The following CRTAC1 variants were observed in gnomAD, a reference collection of about 807,000 sequenced individuals.
The protein encoded by CRTAC1 is cartilage acidic protein 1.
A neutral mutation model predicts 67.8 loss-of-function variants in CRTAC1; 37 were observed. The observed-to-expected ratio is 0.55, with a 90% CI of 0.42 to 0.72. CRTAC1 has a LOEUF of 0.72. Among genes scored for constraint, CRTAC1 ranks in the 30% least tolerant of loss-of-function variants. The pLI is 0.00. For missense variants in CRTAC1, 780 were observed against 931.6 expected (o/e 0.84, Z 2.12); for synonymous variants, 348 against 371.0 (o/e 0.94, Z 0.71).
chr10:97,956,983 T>A (rs1305793752), intron 2 of CRTAC1, among the ~76,000 whole-genome samples: 1 of 146,814 alleles, frequency 6.8e-6, no homozygotes, highest in Non-Finnish European at 1.5e-5. Context: ...ATACTTGTAT[T>A]TTTTTTTTTT....
chr10:97,959,758 A>G (rs1036402305), intron 2 of CRTAC1, among the ~76,000 whole-genome samples: 1 of 152,196 alleles, frequency 6.6e-6, no homozygotes, highest in African/African-American at 2.4e-5. Flanking sequence ...AGCCCCTAAT[A>G]AAACCCCATG....
chr10:97,963,812 C>T (rs1272213312), intron 2 of CRTAC1, among the ~76,000 whole-genome samples: 2 of 152,148 alleles, frequency 1.3e-5, no homozygotes, highest in African/African-American at 4.8e-5. Context: ...AACATTTCAG[C>T]CCTGAGAGGT....
chr10:98,021,239 C>T (rs768747549), intron 1 of CRTAC1, among the ~76,000 whole-genome samples: 10 of 152,108 alleles, frequency 6.6e-5, no homozygotes, highest in Non-Finnish European at 1.5e-4. Context: ...TCCCTACCCC[C>T]CAGAAGGTGG....
intron 2 of CRTAC1, among the ~76,000 whole-genome samples, chr10:97,972,295 A>T (rs2051727935): frequency 6.6e-6 from 1 of 152,240 alleles, no homozygotes; most frequent in Non-Finnish European, 1.5e-5. Context: ...AGAGTCAGAC[A>T]GAGAGAGTGC....
chr10:98,013,133 C>A (rs149159225), intron 1 of CRTAC1, among the ~76,000 whole-genome samples: 1 of 152,124 alleles, frequency 6.6e-6, no homozygotes, highest in Non-Finnish European at 1.5e-5. Context: ...AAGGGATGAC[C>A]TCTATTGTAG....
chr10:98,009,227 G>T (rs1842859400), intron 2 of CRTAC1, among the ~76,000 whole-genome samples: 1 of 152,114 alleles, frequency 6.6e-6, no homozygotes, highest in Non-Finnish European at 1.5e-5. Flanking sequence ...TAAAATAAAA[G>T]AAAATTTAAA....
intron 1 of CRTAC1, among the ~76,000 whole-genome samples, chr10:98,012,871 C>G (rs1842933602): frequency 6.6e-6 from 1 of 152,090 alleles, no homozygotes; most frequent in Admixed American, 6.5e-5. Flanking sequence ...TGAGGTCATT[C>G]CAAATTACAG....
intron 2 of CRTAC1, among the ~76,000 whole-genome samples, chr10:97,987,369 T>C (rs1341134124): frequency 6.6e-6 from 1 of 152,240 alleles, no homozygotes; most frequent in African/African-American, 2.4e-5. Flanking sequence ...CTTCCTTTAA[T>C]TCATAATTCT....
At chr10:97,868,679 T>C (rs2136525114) in intron 14 of CRTAC1, 1 of 152,296 alleles carries the variant, frequency 6.6e-6, no homozygotes, top group Admixed American at 6.5e-5. Flanking sequence ...GCAGGTTCAT[T>C]CTGTTTTGGG....
At chr10:97,880,706 C>T (rs11599481) in intron 13 of CRTAC1, among the ~76,000 whole-genome samples, 29,132 of 152,112 alleles carry the variant, frequency 0.19, 3,338 homozygotes, top group Admixed American at 0.25. Flanking sequence ...TCCAGACTCA[C>T]GAATACAATA....
chr10:98,001,549 T>TAA (rs201280884), intron 2 of CRTAC1, among the ~76,000 whole-genome samples: 6 of 146,728 alleles, frequency 4.1e-5, no homozygotes, highest in Admixed American at 6.8e-5. Flanking sequence ...TATTAAAATG[T>TAA]AAAAAAAAAA....
Position 97,895,759 on chromosome 10 carries a change from A to G in CRTAC1, c.1317+126T>C. 1 of 732,034 alleles carries G rather than the reference A, an allele frequency of 1.4e-6. No individual in the cohort carries two copies. The highest frequency in any genetic ancestry group is 2.2e-6 in the Non-Finnish European group (1 of 452,670). 45.3% of individuals were successfully genotyped at this position (732,034 alleles called of 1,614,324 possible). ...CTGCTGGAATTTACTTCCCTCCTCCAGGGCCCGGGACTTCCATTACCCACC... is the reference window on the plus strand; with the variant it reads ...CTGCTGGAATTTACTTCCCTCCTCCGGGGCCCGGGACTTCCATTACCCACC... On this transcript the variant is annotated intron_variant, in intron 10 of 14. Transcript: ENST00000370597. This position sits in a 1 kb window ranked among gnomAD's most constrained non-coding sequence, Gnocchi z 4.2.
At chr10:97,910,472 C>T (rs918586371) in intron 5 of CRTAC1, among the ~76,000 whole-genome samples, 25 of 152,170 alleles carry the variant, frequency 1.6e-4, no homozygotes, top group East Asian at 3.9e-4. Flanking sequence ...GGTTTATGTG[C>T]GCATTAAAGT....
intron 2 of CRTAC1, among the ~76,000 whole-genome samples, chr10:97,962,189 G>C (rs2051537209): frequency 6.6e-6 from 1 of 152,154 alleles, no homozygotes; most frequent in South Asian, 2.1e-4. Flanking sequence ...CAGTTTCTAA[G>C]TCAACACTCC....
intron 2 of CRTAC1, among the ~76,000 whole-genome samples, chr10:97,954,317 C>A (rs2051406077): frequency 6.6e-6 from 1 of 152,154 alleles, no homozygotes; most frequent in Non-Finnish European, 1.5e-5. Flanking sequence ...GGTGACAGCA[C>A]AAATAAGGCT....
At chr10:98,007,902 C>A (rs569240831) in intron 2 of CRTAC1, among the ~76,000 whole-genome samples, 1 of 152,110 alleles carries the variant, frequency 6.6e-6, no homozygotes, top group East Asian at 1.9e-4. Flanking sequence ...AAGAGGAAGA[C>A]GAAATGAATG....
chr10:97,917,375 C>T, intron 5 of CRTAC1, 125 bp downstream of exon 5: 1 of 668,084 alleles, frequency 1.5e-6, no homozygotes. Context: ...CCTTCATCTC[C>T]CCTCACCAGG....
chr10:98,001,097 G>C (rs1216754970), intron 2 of CRTAC1, among the ~76,000 whole-genome samples: 1 of 152,036 alleles, frequency 6.6e-6, no homozygotes, highest in East Asian at 1.9e-4. Flanking sequence ...CATGATAATG[G>C]GTCCGTTCAC....
intron 2 of CRTAC1, among the ~76,000 whole-genome samples, chr10:97,981,478 A>G (rs1178254840): frequency 6.6e-6 from 1 of 152,242 alleles, no homozygotes; most frequent in Non-Finnish European, 1.5e-5. Flanking sequence ...AGAATTCTTA[A>G]TGACCACATA....
Sources: gnomAD v4.1 joint callset for allele counts (sites outside exome capture counted in the v4.1 genomes callset) on GRCh38, gnomAD v4.1.1 for gene constraint, Gnocchi (gnomAD v3.1) non-coding constraint, MANE v1.5 for transcripts, NCBI Gene and HGNC (gene_info 2026-07-23, HGNC 2026-07-21) for gene names.